Variants in ABLIM1 observed in about 807,000 individuals in gnomAD.
ABLIM1 encodes actin-binding LIM protein 1.
ABLIM1 carries 40 observed loss-of-function variants against 107.0 expected under a neutral mutation model. The ratio of observed to expected loss-of-function variants is 0.37; its 90% CI spans 0.29 to 0.49. ABLIM1 has a LOEUF of 0.49. ABLIM1 is among the 20% of genes least tolerant of loss of function. The pLI is 0.97. For missense variants in ABLIM1, 857 were observed against 1,008.5 expected, an observed-to-expected ratio of 0.85 and a Z score of 2.04; for synonymous variants, 357 against 357.3, an observed-to-expected ratio of 1.00 and a Z score of 0.01.
chr10:114,552,970 A>G (rs1238014136), intron 4 of ABLIM1, among the ~76,000 whole-genome samples: 1 of 152,246 alleles, frequency 6.6e-6, no homozygotes, highest in Non-Finnish European at 1.5e-5. Flanking sequence ...AAGCAAAGAC[A>G]CAACTTGAAA....
upstream of ABLIM1, among the ~76,000 whole-genome samples, chr10:114,771,808 C>T (rs2083027861): frequency 6.6e-6 from 1 of 151,862 alleles, no homozygotes; most frequent in Non-Finnish European, 1.5e-5. Flanking sequence ...TTATATAGAC[C>T]AAAGGGATGA....
intron 12 of ABLIM1, among the ~76,000 whole-genome samples, chr10:114,454,038 T>C (rs2062367440): frequency 6.6e-6 from 1 of 152,220 alleles, no homozygotes; most frequent in Admixed American, 6.5e-5. Flanking sequence ...ATGTTTCTGT[T>C]TTCCTCACTT....
At chr10:114,554,518 G>A (rs2068476215) in intron 4 of ABLIM1, among the ~76,000 whole-genome samples, 1 of 152,182 alleles carries the variant, frequency 6.6e-6, no homozygotes. Context: ...GCAATATAGT[G>A]AGACCCCCGT....
the ABLIM1 span, among the ~76,000 whole-genome samples, chr10:114,800,908 C>A: frequency 1.3e-5 from 2 of 151,254 alleles, no homozygotes; most frequent in Non-Finnish European, 2.9e-5. Context: ...GACTCCAACT[C>A]AATAAATAAA....
At chr10:114,601,602 G>A (rs569150535) in intron 2 of ABLIM1, 2 of 658,492 alleles carry the variant, frequency 3.0e-6, no homozygotes, top group African/African-American at 3.6e-5. Context: ...CCAGGAGAAG[G>A]GGCCTCAGTG....
chr10:114,503,254 T>C (rs2497702), intron 6 of ABLIM1, among the ~76,000 whole-genome samples: 81,923 of 151,942 alleles, frequency 0.54, 23,297 homozygotes, highest in African/African-American at 0.74. Flanking sequence ...AGTTCAAGAC[T>C]GGCCTGGGTA....
Position 114,447,924 on chromosome 10 carries a change from A to C in ABLIM1, c.1691T>G (p.Ile564Ser). The C allele has an allele frequency of 6.2e-7, 1 of 1,614,046 alleles. No individual in the cohort carries two copies. Among genetic ancestry groups the C allele is most frequent in the Non-Finnish European group, 8.5e-7 (1 of 1,180,004 alleles). The change falls in exon 15 of 23, where the codon ATT becomes AGT. Residue 564 changes from isoleucine to serine, a missense_variant. Ile to Ser is a moderately radical substitution (Grantham distance 142, BLOSUM62 -2). Around this residue, in one of 5 missense-constraint regions of ABLIM1, gnomAD observed 103 missense variants for 101.0 expected, o/e 1.02. Transcript: ENST00000533213. Reference sequence around the variant, plus strand: ...GGGACCAGGCCAGTGGTCCGTCTCAATCTTTGGTGTCTCGCTGGGGTCTGG... The same window carrying C: ...GGGACCAGGCCAGTGGTCCGTCTCACTCTTTGGTGTCTCGCTGGGGTCTGG... ...QAPDPSETPK[I>S]ETDHWPGPPS... is the part of the protein sequence containing the mutation.
intron 6 of ABLIM1, among the ~76,000 whole-genome samples, chr10:114,536,592 T>C (rs1461864968): frequency 6.6e-6 from 1 of 152,182 alleles, no homozygotes; most frequent in Non-Finnish European, 1.5e-5. Context: ...CTCGAAGTTG[T>C]AGTATATATC....
chr10:114,653,404 C>T (rs747627135), intron 1 of ABLIM1, among the ~76,000 whole-genome samples: 8 of 151,948 alleles, frequency 5.3e-5, no homozygotes, highest in Non-Finnish European at 1.0e-4. Flanking sequence ...ATTAGCCAGG[C>T]CTGGTAGCAT....
At chr10:114,502,639 G>A (rs929505122) in intron 6 of ABLIM1, among the ~76,000 whole-genome samples, 7 of 152,154 alleles carry the variant, frequency 4.6e-5, no homozygotes, top group African/African-American at 1.7e-4. Flanking sequence ...TGGGATTACA[G>A]GTATGCGCCA....
At chr10:114,690,458 C>T (rs2081051220) in intron 1 of ABLIM1, 2 of 1,590,624 alleles carry the variant, frequency 1.3e-6, no homozygotes, top group Non-Finnish European at 1.7e-6. Context: ...CACCCTGACA[C>T]ATAAACCCTG....
chr10:114,456,612 C>T (rs1442892111), intron 12 of ABLIM1, among the ~76,000 whole-genome samples: 2 of 152,196 alleles, frequency 1.3e-5, no homozygotes, highest in African/African-American at 4.8e-5. Context: ...AATGAACCCC[C>T]ATTAAATCAG....
At chr10:114,749,839 C>T (rs934498125) in intron 1 of ABLIM1, among the ~76,000 whole-genome samples, 4 of 152,106 alleles carry the variant, frequency 2.6e-5, no homozygotes, top group African/African-American at 4.8e-5. Context: ...TCCCATAGCT[C>T]GCTTTCTCCG....
At chr10:114,756,222 CTATAAA>C (rs2082627250) in intron 1 of ABLIM1, among the ~76,000 whole-genome samples, 1 of 152,130 alleles carries the variant, frequency 6.6e-6, no homozygotes, top group Non-Finnish European at 1.5e-5. Context: ...GCTACCTTTA[CTATAAA>C]TAAATCCTAT....
chr10:114,755,376 A>G (rs1467364969), intron 1 of ABLIM1, among the ~76,000 whole-genome samples: 1 of 152,128 alleles, frequency 6.6e-6, no homozygotes, highest in Non-Finnish European at 1.5e-5. Context: ...TTGGGGACTG[A>G]TGTTCTAGAA....
intron 1 of ABLIM1, among the ~76,000 whole-genome samples, chr10:114,751,977 C>T (rs892659974): frequency 2.6e-5 from 4 of 152,096 alleles, no homozygotes; most frequent in Admixed American, 6.6e-5. Flanking sequence ...CCAAAACCTT[C>T]GAGCCATGAA....
intron 8 of ABLIM1, among the ~76,000 whole-genome samples, chr10:114,481,965 T>C (rs1404913771): frequency 1.3e-5 from 2 of 152,216 alleles, no homozygotes; most frequent in Non-Finnish European, 2.9e-5. Flanking sequence ...GATTGACAAG[T>C]GCATATGTTA....
chr10:114,519,128 C>A (rs148136461), intron 6 of ABLIM1, among the ~76,000 whole-genome samples: 1,729 of 152,204 alleles, frequency 0.011, 39 homozygotes, highest in African/African-American at 0.039. Context: ...AAGAGGCAGC[C>A]TGGGGGAGGT....
At chr10:114,792,092 G>A in the ABLIM1 span, among the ~76,000 whole-genome samples, 4 of 152,184 alleles carry the variant, frequency 2.6e-5, no homozygotes, top group Non-Finnish European at 4.4e-5. Context: ...AGGCCAAGGC[G>A]GACGGATTGC....
Sources: allele counts gnomAD v4.1 joint callset (sites outside exome capture counted in the v4.1 genomes callset), GRCh38; gene constraint gnomAD v4.1.1; regional missense constraint gnomAD v4.1.1; transcripts MANE v1.5; gene names NCBI Gene and HGNC (gene_info 2026-07-23, HGNC 2026-07-21).